Variants in EXTL3 observed in about 807,000 individuals in gnomAD.
EXTL3 encodes exostosin-like 3.
Under a neutral mutation model 69.3 loss-of-function variants are expected in EXTL3, and 27 were observed. The ratio of observed to expected loss-of-function variants is 0.39; its 90% confidence interval spans 0.29 to 0.54. The LOEUF is 0.54. Among genes scored for constraint, EXTL3 ranks in the 20% least tolerant of loss-of-function variants. The probability of loss-of-function intolerance (pLI) is 0.69; values close to 1 mark genes in which losing one functional copy is unlikely to be tolerated. For synonymous variants in EXTL3, 511 were observed against 499.4 expected (o/e 1.02, Z -0.31); for missense variants, 1,003 against 1,231.8 (o/e 0.81, Z 2.78).
rs746731919 is a variant in EXTL3, at chr8:28,717,459, A to G, written c.1400A>G (p.Gln467Arg). 1.2e-6 allele frequency: 2 copies of G among 1,614,026 alleles called. No individual in the cohort carries two copies. The highest frequency in any genetic ancestry group is 2.7e-5 in the African/African-American group (2 of 74,920). ...VGAVPVVLGE[Q>R]VQLPYQDMLQ... The stretch of plus-strand genomic sequence containing the variant: ...GCCGTCCCGGTGGTGCTGGGGGAGC[A>G]GGTCCAGCTTCCCTACCAGGACATG... The change falls in exon 3 of 7, where the codon CAG becomes CGG. Residue 467 changes from glutamine (Q) to arginine (R), a missense_variant. Around this residue, in one of 2 missense-constraint regions of EXTL3, gnomAD observed 742 missense variants for 815.4 expected, o/e 0.91. Transcript: ENST00000220562. The surrounding 1 kb of genome is among the most constrained non-coding windows in gnomAD (Gnocchi z 8.3).
At chr8:28,638,734 C>T (rs939821113) in intron 1 of EXTL3, among the ~76,000 whole-genome samples, 2 of 152,052 alleles carry the variant, frequency 1.3e-5, no homozygotes, top group Non-Finnish European at 2.9e-5. Context: ...CGGGTTCGAG[C>T]GATTCTTCTG....
intron 4 of EXTL3, among the ~76,000 whole-genome samples, chr8:28,733,627 C>A (rs1196666627): frequency 6.7e-6 from 1 of 149,322 alleles, no homozygotes; most frequent in South Asian, 2.1e-4. Context: ...AAACTCCTGG[C>A]CTCGAGCAAG....
intron 1 of EXTL3, among the ~76,000 whole-genome samples, chr8:28,633,291 C>A (rs943840373): frequency 2.6e-5 from 4 of 152,018 alleles, no homozygotes; most frequent in Non-Finnish European, 5.9e-5. Context: ...TGAGCCATGA[C>A]TGCACCACTG....
At chr8:28,685,216 C>T (rs1807557286) in intron 1 of EXTL3, among the ~76,000 whole-genome samples, 1 of 152,196 alleles carries the variant, frequency 6.6e-6, no homozygotes, top group African/African-American at 2.4e-5. Context: ...TCCCAAAGTG[C>T]TGGGATTACA....
intron 1 of EXTL3, among the ~76,000 whole-genome samples, chr8:28,649,752 T>A (rs1239453277): frequency 6.6e-6 from 1 of 152,226 alleles, no homozygotes; most frequent in African/African-American, 2.4e-5. Flanking sequence ...CAATAATTTC[T>A]TTGTGGTTTA....
chr8:28,618,022 A>G (rs1806350304), upstream of EXTL3, among the ~76,000 whole-genome samples: 1 of 152,202 alleles, frequency 6.6e-6, no homozygotes, highest in African/African-American at 2.4e-5. Flanking sequence ...TTTAATAGAT[A>G]CGGAGTTTAT....
At chr8:28,727,069 A>G (rs1272162238) in intron 3 of EXTL3, among the ~76,000 whole-genome samples, 1 of 151,676 alleles carries the variant, frequency 6.6e-6, no homozygotes, top group Admixed American at 6.6e-5. Context: ...TATTTTTAGT[A>G]GAGATGGGGT....
chr8:28,713,587 A>C (rs1478045796), intron 2 of EXTL3, 37 bp downstream of exon 2: 8 of 694,352 alleles, frequency 1.2e-5, no homozygotes, highest in Non-Finnish European at 2.1e-5. Flanking sequence ...TGCTGTGATT[A>C]CGCCTTCTTT....
upstream of EXTL3, chr8:28,701,370 C>T (rs1447993627): frequency 6.6e-6 from 1 of 152,054 alleles, no homozygotes; most frequent in Non-Finnish European, 1.5e-5. Context: ...CCGGGTGTCA[C>T]CGCGGAGCTG....
intron 6 of EXTL3, among the ~76,000 whole-genome samples, chr8:28,746,277 G>C (rs562614083): frequency 7.6e-4 from 116 of 152,178 alleles, no homozygotes; most frequent in African/African-American, 2.7e-3. Context: ...TTATTTCTTT[G>C]AATAATGTAC....
intron 3 of EXTL3, 92 bp downstream of exon 3, chr8:28,718,299 C>G (rs1278049898): frequency 1.6e-6 from 2 of 1,280,752 alleles, no homozygotes; most frequent in African/African-American, 2.9e-5. Flanking sequence ...GCAATCGTAA[C>G]TTCTAGCAGA....
At chr8:28,643,186 G>T (rs549126397) in intron 1 of EXTL3, among the ~76,000 whole-genome samples, 2 of 152,120 alleles carry the variant, frequency 1.3e-5, no homozygotes, top group South Asian at 2.1e-4. Context: ...GGAGGTTGCA[G>T]TGAGCCTAGA....
At chr8:28,723,457 T>C (rs1178039916) in intron 3 of EXTL3, among the ~76,000 whole-genome samples, 2 of 152,174 alleles carry the variant, frequency 1.3e-5, no homozygotes, top group African/African-American at 2.4e-5. Flanking sequence ...AAGCAATTGC[T>C]GGAAAGTCAT....
chr8:28,720,043 C>T (rs1801263054), intron 3 of EXTL3, among the ~76,000 whole-genome samples: 1 of 151,838 alleles, frequency 6.6e-6, no homozygotes, highest in Non-Finnish European at 1.5e-5. Context: ...TTTTTCTGGT[C>T]CTTTTAAAAA....
rs1313326252 is a variant in EXTL3, at chr8:28,717,823, A to C, written c.1764A>C (p.Arg588Ser). 6.2e-7 allele frequency: 1 copy of C among 1,611,908 alleles called. No homozygotes were observed. The highest frequency in any genetic ancestry group is 8.5e-7 in the Non-Finnish European group (1 of 1,178,186). ...VETEPPYASP[R>S]YLRNFTLTVT... ...CGGAGCCGCCCTACGCCTCACCCAG[A>C]TACCTCCGCAATTTCACTCTGACTG... Residue 588 changes from arginine (R) to serine (S), a missense_variant, in exon 3 of 7, where the codon AGA becomes AGC. Transcript: ENST00000220562. This position sits in a 1 kb window ranked among gnomAD's most constrained non-coding sequence, Gnocchi z 8.3.
intron 1 of EXTL3, among the ~76,000 whole-genome samples, chr8:28,680,401 A>C (rs957774204): frequency 1.7e-4 from 26 of 152,000 alleles, no homozygotes; most frequent in African/African-American, 3.6e-4. Context: ...AAAAAAAAAA[A>C]AAAACAGCAT....
intron 1 of EXTL3, among the ~76,000 whole-genome samples, chr8:28,645,377 A>G (rs898337124): frequency 3.9e-5 from 6 of 152,208 alleles, no homozygotes; most frequent in African/African-American, 1.2e-4. Flanking sequence ...AGAATTAGAA[A>G]CAAATTTTCA....
chr8:28,716,948 A>G lies in EXTL3; in HGVS notation c.889A>G (p.Met297Val), dbSNP rs2130737906. The G allele has an allele frequency of 1.9e-6, 3 of 1,614,216 alleles. No individual in the cohort carries two copies. Among genetic ancestry groups the G allele is most frequent in the Non-Finnish European group, 1.7e-6 (2 of 1,180,026 alleles). Reference protein sequence around the residue: ...LLYNVSTGRAMVAQSTFYTVQ... With the variant: ...LLYNVSTGRAVVAQSTFYTVQ... ...CTATAACGTCAGTACTGGCCGTGCC[A>G]TGGTGGCCCAGTCCACCTTCTACAC... Residue 297 changes from methionine (M) to valine (V), a missense_variant, in exon 3 of 7, where the codon ATG (methionine) becomes GTG (valine). Around this residue, in one of 2 missense-constraint regions of EXTL3, gnomAD observed 742 missense variants for 815.4 expected, o/e 0.91. Coordinates refer to ENST00000220562, the MANE Select transcript of EXTL3 (RefSeq NM_001440.4). The surrounding 1 kb of genome is among the most constrained non-coding windows in gnomAD (Gnocchi z 7.1).
At chr8:28,736,510 A>G (rs980801589) in intron 4 of EXTL3, among the ~76,000 whole-genome samples, 2 of 152,228 alleles carry the variant, frequency 1.3e-5, no homozygotes, top group Non-Finnish European at 2.9e-5. Flanking sequence ...AGAAGTTTCT[A>G]CTGAAACATA....
Sources: allele counts gnomAD v4.1 joint callset (sites outside exome capture counted in the v4.1 genomes callset), GRCh38; gene constraint gnomAD v4.1.1; regional missense constraint gnomAD v4.1.1; non-coding constraint Gnocchi (gnomAD v3.1); transcripts MANE v1.5; gene names NCBI Gene and HGNC (gene_info 2026-07-23, HGNC 2026-07-21).